FASTKD3: variants seen among roughly 807,000 people sequenced by gnomAD.
The protein encoded by FASTKD3 is FAST kinase domain-containing protein 3, mitochondrial.
A neutral mutation model predicts 49.7 loss-of-function variants in FASTKD3; 47 were observed. The observed-to-expected ratio is 0.95, with a 90% CI of 0.75 to 1.21. FASTKD3 has a LOEUF of 1.21. Ranked by LOEUF, FASTKD3 falls within the 50% of genes most tolerant of loss-of-function variation. FASTKD3 has a pLI of 0.00. For missense variants in FASTKD3, 748 were observed against 765.7 expected (o/e 0.98, Z 0.27); for synonymous variants, 284 against 288.6 (o/e 0.98, Z 0.16).
At chr5:7,861,557 G>T in intron 5 of FASTKD3, 26 bp downstream of exon 5, 1 of 1,515,576 alleles carries the variant, frequency 6.6e-7, no homozygotes. Context: ...GTCTTGTAAT[G>T]TGAAAAACAC....
intron 3 of FASTKD3, among the ~76,000 whole-genome samples, chr5:7,863,863 T>A (rs1236997305): frequency 6.6e-6 from 1 of 152,196 alleles, no homozygotes; most frequent in Non-Finnish European, 1.5e-5. Flanking sequence ...TTTGTTTTTG[T>A]TTCTGAGACA....
At chr5:7,861,827 T>C (rs1054113583) in intron 4 of FASTKD3, 175 bp from the exon 5 acceptor site, 57 of 1,303,826 alleles carry the variant, frequency 4.4e-5, no homozygotes, top group Non-Finnish European at 5.2e-5. Context: ...TTCAATTGGC[T>C]TTATGATCAA....
chr5:7,862,512 G>A (rs1746624076), intron 4 of FASTKD3, among the ~76,000 whole-genome samples: 1 of 152,072 alleles, frequency 6.6e-6, no homozygotes, highest in Non-Finnish European at 1.5e-5. Context: ...CTACGTTCCA[G>A]GTACTATTTT....
At chr5:7,864,142 C>A (rs79632358) in intron 3 of FASTKD3, among the ~76,000 whole-genome samples, 1 of 152,032 alleles carries the variant, frequency 6.6e-6, no homozygotes, top group Non-Finnish European at 1.5e-5. Context: ...TGAGCCACTG[C>A]GCACGGCAAG....
In FASTKD3 at chr5:7,868,041, C is replaced by T. The variant is rs1433282889; in HGVS notation, c.43G>A (p.Asp15Asn). The change falls in exon 2 of 7, where the codon GAT (aspartate) becomes AAT (asparagine). Residue 15 changes from aspartate to asparagine, a missense_variant. Physicochemically the swap from Asp to Asn is conservative, Grantham distance 23. This residue lies in a region of FASTKD3 where 564 missense variants were observed against 562.8 expected (regional missense o/e 1.00). Transcript: ENST00000264669. Reference protein sequence around the residue: ...TLRKNLYRLSDFQMHRALAAL... With the variant: ...TLRKNLYRLSNFQMHRALAAL... ...GCCAGAGCTCTATGCATCTGAAAAT[C>T]AGATAAACGATAAAGGTTCTTCCTC... The T allele has an allele frequency of 1.2e-6, 2 of 1,612,892 alleles. No individual in the cohort carries two copies. Among genetic ancestry groups the T allele is most frequent in the Non-Finnish European group, 1.7e-6 (2 of 1,179,736 alleles).
intron 3 of FASTKD3, among the ~76,000 whole-genome samples, chr5:7,864,061 G>A (rs569676636): frequency 6.6e-6 from 1 of 152,294 alleles, no homozygotes; most frequent in African/African-American, 2.4e-5. Context: ...ATGTTAGCAA[G>A]GCTGGTCTCG....
Position 7,867,281 on chromosome 5 carries a change from T to C in FASTKD3, c.803A>G (p.Glu268Gly). The change falls in exon 2 of 7, where the codon GAA becomes GGA. Residue 268 changes from glutamate to glycine, a missense_variant. By Grantham distance (98) the Glu-to-Gly change is moderately conservative (BLOSUM62 -2). Around this residue, in one of 3 missense-constraint regions of FASTKD3, gnomAD observed 564 missense variants for 562.8 expected, o/e 1.00. Coordinates refer to ENST00000264669, the MANE Select transcript of FASTKD3 (RefSeq NM_024091.4). ...ALYRILQACT[E>G]KVDEHQTFLN... ...AAATGTTTGGTGTTCATCCACTTTT[T>C]CAGTACATGCCTGCAAGATTCTATA... 1 of 1,613,790 alleles carries C rather than the reference T, an allele frequency of 6.2e-7. No homozygotes were observed. The highest frequency in any genetic ancestry group is 1.3e-5 in the African/African-American group (1 of 75,052).
intron 2 of FASTKD3, 49 bp from the exon 3 acceptor site, chr5:7,866,032 T>A (rs745369244): frequency 8.0e-7 from 1 of 1,247,578 alleles, no homozygotes; most frequent in East Asian, 2.4e-5. Context: ...TTGAGGTATG[T>A]ATGAGAGAAC....
intron 3 of FASTKD3, 54 bp downstream of exon 3, chr5:7,865,843 TA>T (rs969567738): frequency 5.9e-6 from 8 of 1,365,778 alleles, no homozygotes; most frequent in South Asian, 1.2e-5. Context: ...TAAAGGAACT[TA>T]AAAGGAAACT....
Position 7,867,018 on chromosome 5 carries a change from C to G in FASTKD3, c.1066G>C (p.Glu356Gln), listed in dbSNP as rs763816658. Residue 356 changes from glutamate to glutamine, a missense_variant, in exon 2 of 7, where the codon GAG becomes CAG. Physicochemically the swap from Glu to Gln is conservative, Grantham distance 29 (BLOSUM62 2). This residue lies in a region of FASTKD3 where 564 missense variants were observed against 562.8 expected (regional missense o/e 1.00). Transcript: ENST00000264669. ...HHDTFFTKALEHRVAAVCLTL... is the reference protein window; with the variant it reads ...HHDTFFTKALQHRVAAVCLTL... ...AGGCACACCGCAGCTACACGATGCTCTAGGGCTTTTGTAAAAAATGTGTCA... is the reference window on the plus strand; with the variant it reads ...AGGCACACCGCAGCTACACGATGCTGTAGGGCTTTTGTAAAAAATGTGTCA... 5.6e-6 allele frequency: 9 copies of G among 1,614,200 alleles called. No individual in the cohort carries two copies. The highest frequency in any genetic ancestry group is 5.9e-6 in the Non-Finnish European group (7 of 1,180,034).
At chr5:7,863,783 A>G (rs1489298305) in intron 3 of FASTKD3, among the ~76,000 whole-genome samples, 1 of 152,210 alleles carries the variant, frequency 6.6e-6, no homozygotes, top group Non-Finnish European at 1.5e-5. Flanking sequence ...CATGCTGACT[A>G]TAGTTAATAA....
rs777981788 is a variant in FASTKD3 at position 7,867,208 on chromosome 5, A to G, written c.876T>C (p.Ser292=). The stretch of plus-strand genomic sequence containing the variant: ...TGAGCATTTGGCTAATCAATTTAGG[A>G]CTCAGGTTGGAAACTATTGATAGGG... The part of the protein sequence containing the change: ...NFSLSIVSNL[S]PKLISQMLTA... Residue 292 remains serine (S), a synonymous_variant, in exon 2 of 7, where the codon AGT becomes AGC. Transcript: ENST00000264669. 6.2e-7 allele frequency: 1 copy of G among 1,614,130 alleles called. No homozygotes were observed. Among genetic ancestry groups the G allele is most frequent in the South Asian group, 1.1e-5 (1 of 91,086 alleles).
In FASTKD3 at chr5:7,862,897, A is replaced by G. The variant is rs1228757649; in HGVS notation, c.1625T>C (p.Ile542Thr). The G allele has an allele frequency of 2.5e-6, 4 of 1,614,114 alleles. No individual in the cohort carries two copies. Among genetic ancestry groups the G allele is most frequent in the Admixed American group, 3.3e-5 (2 of 60,018 alleles). Reference sequence around the variant, plus strand: ...TGCTCCTAAAAGGTTAGTCAGCCCAATCTTCACATATCTATAAAGCTGAGA... The same window carrying G: ...TGCTCCTAAAAGGTTAGTCAGCCCAGTCTTCACATATCTATAAAGCTGAGA... ...VDSQLYRYVK[I>T]GLTNLLGARL... The change falls in exon 4 of 7, where the codon ATT becomes ACT. Residue 542 changes from isoleucine to threonine, a missense_variant. Physicochemically the swap from Ile to Thr is moderately conservative, Grantham distance 89 (BLOSUM62 -1). Transcript: ENST00000264669.
intron 5 of FASTKD3, 96 bp downstream of exon 5, chr5:7,861,487 T>C: frequency 1.1e-6 from 1 of 877,226 alleles, no homozygotes; most frequent in African/African-American, 1.7e-5. Flanking sequence ...ATTTCCAGAA[T>C]CATATCTATT....
Position 7,868,202 on chromosome 5 carries a change from A to T in FASTKD3, c.-113-6T>A. 8.1e-4 allele frequency: 23 copies of T among 28,472 alleles called. No individual in the cohort carries two copies. Among genetic ancestry groups the T allele is most frequent in the Non-Finnish European group, 1.2e-3 (18 of 15,048 alleles). 1.8% of individuals were successfully genotyped at this position (28,472 alleles called of 1,614,324 possible). A position where few individuals can be genotyped will look rare whatever the true frequency, so the allele number is the denominator to read the frequency against. ...ATGAAACTACAAACGAGTATCTGGA[A>T]AAAAAAAAAAAAAAAAAAAAAGGAT... On this transcript the variant is annotated splice_polypyrimidine_tract_variant and splice_region_variant and intron_variant, in intron 1 of 6. Transcript: ENST00000264669.
rs778056443 is a variant in FASTKD3, at chr5:7,868,057, G to A, written c.27C>T (p.Asn9=). The change falls in exon 2 of 7, where the codon AAC becomes AAT. Residue 9 remains asparagine (N), a synonymous_variant. Coordinates refer to ENST00000264669, the MANE Select transcript of FASTKD3 (RefSeq NM_024091.4). ...TCTGAAAATCAGATAAACGATAAAG[G>A]TTCTTCCTCAAGGTGATTAATGCCA... The part of the protein sequence containing the change: MALITLRK[N]LYRLSDFQMH... 17 of 1,611,372 alleles carry A rather than the reference G, an allele frequency of 1.1e-5. No individual in the cohort carries two copies. The highest frequency in any genetic ancestry group is 1.4e-5 in the Non-Finnish European group (16 of 1,179,290).
rs1219864500 is a variant in FASTKD3, at chr5:7,862,911, A to G, written c.1611T>C (p.Tyr537=). Residue 537 remains tyrosine (Y), a synonymous_variant, in exon 4 of 7, where the codon TAT becomes TAC. Coordinates refer to ENST00000264669, the MANE Select transcript of FASTKD3 (RefSeq NM_024091.4). ...TAGTCAGCCCAATCTTCACATATCT[A>G]TAAAGCTGAGAATCCACAGGGGTCT... ...SLETPVDSQL[Y]RYVKIGLTNL... 19 of 1,614,002 alleles carry G rather than the reference A, an allele frequency of 1.2e-5. No homozygotes were observed. The highest frequency in any genetic ancestry group is 4.0e-5 in the African/African-American group (3 of 74,932).
In FASTKD3 at chr5:7,867,543, CAGT is replaced by C. The variant is rs1441434755; in HGVS notation, c.538_540del (p.Thr180del). ...TGCAACAGAATCAGAGCTTGCAAAG[CAGT>C]CACTAAACTAGTGTTTGACAGCTGT... On this transcript the variant is annotated inframe_deletion, in exon 2 of 7. Transcript: ENST00000264669. 3.7e-6 allele frequency: 6 copies of C among 1,614,146 alleles called. No individual in the cohort carries two copies. The highest frequency in any genetic ancestry group is 1.6e-4 in the Middle Eastern group (1 of 6,084).
intron 4 of FASTKD3, 88 bp downstream of exon 4, chr5:7,862,735 G>C (rs1746639620): frequency 8.6e-7 from 1 of 1,166,698 alleles, no homozygotes; most frequent in African/African-American, 1.5e-5. Flanking sequence ...CATTTCCAGA[G>C]AACTTCTATT....
Sources: allele counts gnomAD v4.1 joint callset (sites outside exome capture counted in the v4.1 genomes callset), GRCh38; gene constraint gnomAD v4.1.1; regional missense constraint gnomAD v4.1.1; transcripts MANE v1.5; gene names NCBI Gene and HGNC (gene_info 2026-07-23, HGNC 2026-07-21).